The following PLPP1 variants were observed in gnomAD, a reference collection of about 807,000 sequenced individuals.
The protein encoded by PLPP1 is lipid phosphate phosphohydrolase 1a.
PLPP1 carries 24 observed loss-of-function variants against 31.2 expected under a neutral mutation model. The observed-to-expected ratio is 0.77, with a 90% CI of 0.56 to 1.08. PLPP1 has a LOEUF of 1.08. PLPP1 is among the 50% of genes least tolerant of loss of function. The probability of loss-of-function intolerance (pLI) is 0.00; values close to 1 mark genes in which losing one functional copy is unlikely to be tolerated. For missense variants in PLPP1, 319 were observed against 342.7 expected, an observed-to-expected ratio of 0.93 and a Z score of 0.55; for synonymous variants, 146 against 126.3, an observed-to-expected ratio of 1.16 and a Z score of -1.05.
intron 4 of PLPP1, among the ~76,000 whole-genome samples, chr5:55,440,534 C>A (rs1027380255): frequency 8.5e-5 from 13 of 152,220 alleles, no homozygotes; most frequent in Non-Finnish European, 1.9e-4. Flanking sequence ...CATGCTGCAT[C>A]TGCAGAAACA....
At chr5:55,527,428 G>A (rs1203416432) in intron 1 of PLPP1, among the ~76,000 whole-genome samples, 1 of 152,172 alleles carries the variant, frequency 6.6e-6, no homozygotes, top group Non-Finnish European at 1.5e-5. Flanking sequence ...CACATTTGGA[G>A]CATGCTGAGG....
chr5:55,518,317 C>T (rs192496367), intron 1 of PLPP1, among the ~76,000 whole-genome samples: 19 of 152,066 alleles, frequency 1.2e-4, no homozygotes, highest in African/African-American at 4.6e-4. Context: ...TGAAAAATTA[C>T]TCTGGGTTAG....
chr5:55,471,554 A>C (rs1481757723), intron 2 of PLPP1, among the ~76,000 whole-genome samples: 2 of 152,054 alleles, frequency 1.3e-5, no homozygotes, highest in Admixed American at 1.3e-4. Context: ...AGTGTATTTG[A>C]CTTCACTGAC....
At chr5:55,468,279 T>A in intron 2 of PLPP1, 130 bp from the exon 3 acceptor site, 2 of 814,248 alleles carry the variant, frequency 2.5e-6, no homozygotes, top group Non-Finnish European at 3.7e-6. Context: ...TCCCAGCCCC[T>A]TTTTTCTTTA....
chr5:55,533,972 G>A (rs939820935), intron 1 of PLPP1, among the ~76,000 whole-genome samples: 3 of 152,236 alleles, frequency 2.0e-5, no homozygotes, highest in Admixed American at 1.3e-4. Flanking sequence ...GGTCTGGGCA[G>A]ACAAGGAAAC....
At chr5:55,460,004 T>C (rs1304533823) in intron 3 of PLPP1, among the ~76,000 whole-genome samples, 1 of 152,218 alleles carries the variant, frequency 6.6e-6, no homozygotes, top group South Asian at 2.1e-4. Context: ...TGTAAGAAGA[T>C]AGTATATAAT....
At chr5:55,426,614 C>T (rs1204072772) in intron 4 of PLPP1, among the ~76,000 whole-genome samples, 1 of 151,374 alleles carries the variant, frequency 6.6e-6, no homozygotes, top group Admixed American at 6.6e-5. Context: ...CACTGTGTTG[C>T]CCAGGCTGGT....
At chr5:55,475,264 A>C (rs754199942) in intron 2 of PLPP1, 35 bp downstream of exon 2, 1 of 1,568,446 alleles carries the variant, frequency 6.4e-7, no homozygotes, top group South Asian at 1.2e-5. Flanking sequence ...CAAGTGCCCA[A>C]AAGTTATAAA....
intron 1 of PLPP1, among the ~76,000 whole-genome samples, chr5:55,514,879 C>T (rs1220560821): frequency 6.6e-6 from 1 of 152,130 alleles, no homozygotes. Context: ...TAAGAGCAAA[C>T]TTATAATGCT....
chr5:55,462,176 T>C (rs1752179914), intron 3 of PLPP1, among the ~76,000 whole-genome samples: 1 of 152,134 alleles, frequency 6.6e-6, no homozygotes, highest in Admixed American at 6.5e-5. Flanking sequence ...AAAGAAAACA[T>C]AAAGAACTTA....
chr5:55,497,459 C>T (rs1445369104), intron 1 of PLPP1, among the ~76,000 whole-genome samples: 3 of 141,866 alleles, frequency 2.1e-5, no homozygotes, highest in Non-Finnish European at 3.0e-5. Flanking sequence ...CACTATGTTT[C>T]CTAGGCTGGT....
Position 55,468,115 on chromosome 5 carries a change from T to C in PLPP1, c.245A>G (p.Asn82Ser). 6.2e-7 allele frequency: 1 copy of C among 1,610,362 alleles called. No homozygotes were observed. The highest frequency in any genetic ancestry group is 8.5e-7 in the Non-Finnish European group (1 of 1,177,854). ...GATAAAGGAATTTGAGTGCAAAAGG[T>C]TACAGTAAACAGACAGGGTTTCTCC... ...ILGETLSVYC[N>S]LLHSNSFIRN... The change falls in exon 3 of 6, where the codon AAC (asparagine) becomes AGC (serine). Residue 82 changes from asparagine (N) to serine (S), a missense_variant. Transcript: ENST00000307259.
chr5:55,499,599 TAA>T lies in PLPP1; in HGVS notation c.59-24151_59-24150del, dbSNP rs530484090. Among the ~76,000 whole-genome samples the T allele has an allele frequency of 4.6e-3, 701 of 152,220 alleles. 1 individual carries two copies. The highest frequency in any genetic ancestry group is 0.01 in the Middle Eastern group (3 of 292). ...TCCAGAGAAAGGTTTGCTTTATAAC[TAA>T]AAGATTCATAACATTGTTGTTCATG... On this transcript the variant is annotated intron_variant, in intron 1 of 5. Coordinates refer to ENST00000307259, the MANE Select transcript of PLPP1 (RefSeq NM_003711.4).
intron 3 of PLPP1, among the ~76,000 whole-genome samples, chr5:55,447,112 C>T (rs184657167): frequency 6.6e-6 from 1 of 152,146 alleles, no homozygotes; most frequent in African/African-American, 2.4e-5. Context: ...GTGTGTGTAA[C>T]GTATCATGTA....
chr5:55,428,646 T>C (rs1028958569), intron 4 of PLPP1, among the ~76,000 whole-genome samples: 8 of 152,318 alleles, frequency 5.3e-5, no homozygotes, highest in Non-Finnish European at 7.3e-5. Flanking sequence ...CACTGAAAAG[T>C]TGAATGTCTG....
At chr5:55,428,404 A>G (rs1370891449) in intron 4 of PLPP1, among the ~76,000 whole-genome samples, 1 of 152,208 alleles carries the variant, frequency 6.6e-6, no homozygotes, top group Non-Finnish European at 1.5e-5. Flanking sequence ...GAAAGTGGAC[A>G]CCCTGAATTT....
chr5:55,477,283 T>G (rs1752571497), intron 1 of PLPP1, among the ~76,000 whole-genome samples: 1 of 152,196 alleles, frequency 6.6e-6, no homozygotes, highest in South Asian at 2.1e-4. Flanking sequence ...ATTTTATTAT[T>G]GGCTGCCCCA....
chr5:55,465,514 C>T (rs1026753879), intron 3 of PLPP1, among the ~76,000 whole-genome samples: 1 of 152,090 alleles, frequency 6.6e-6, no homozygotes, highest in Non-Finnish European at 1.5e-5. Context: ...GAACTGTCTT[C>T]GGCCACACAT....
rs531328267 is a variant in PLPP1 at position 55,424,979 on chromosome 5, C to T, written c.*227G>A. The T allele has an allele frequency of 7.4e-5, 48 of 650,790 alleles. No individual in the cohort carries two copies. The East Asian group carries it at 1.3e-3, about 17-fold the overall frequency. 40.3% of individuals were successfully genotyped at this position (650,790 alleles called of 1,614,324 possible). A position where few individuals can be genotyped will look rare whatever the true frequency, so the allele number is the denominator to read the frequency against. ...TTAATAAAAATGTATACAGGTGGGG[C>T]ACTGTTTTGGTGGAAGGCTTGGAGT... On this transcript the variant is annotated 3_prime_UTR_variant, in exon 6 of 6. Coordinates refer to ENST00000307259, the MANE Select transcript of PLPP1 (RefSeq NM_003711.4).
Sources: allele counts gnomAD v4.1 joint callset (sites outside exome capture counted in the v4.1 genomes callset), GRCh38; gene constraint gnomAD v4.1.1; transcripts MANE v1.5; gene names NCBI Gene and HGNC (gene_info 2026-07-23, HGNC 2026-07-21).